The following KATNBL1 variants were observed in gnomAD, a reference collection of about 807,000 sequenced individuals.
KATNBL1 encodes the protein katanin regulatory subunit B1 like 1.
Under a neutral mutation model 44.7 loss-of-function variants are expected in KATNBL1, and 28 were observed. The observed-to-expected ratio is 0.63, with a 90% CI of 0.46 to 0.86. KATNBL1 has a LOEUF of 0.86. KATNBL1 is among the 40% of genes least tolerant of loss of function. The pLI, the probability that KATNBL1 is intolerant of heterozygous loss-of-function variation, is 0.00. For missense variants in KATNBL1, 272 were observed against 350.7 expected (o/e 0.78, Z 1.79); for synonymous variants, 78 against 114.9 (o/e 0.68, Z 2.06).
At chr15:34,178,322 T>C (rs993231575) in intron 1 of KATNBL1, among the ~76,000 whole-genome samples, 2 of 152,210 alleles carry the variant, frequency 1.3e-5, no homozygotes, top group Admixed American at 6.5e-5. Context: ...CTACCATCCT[T>C]CCTTCATCTA....
In KATNBL1 at chr15:34,162,583, G is replaced by A. The variant is rs146693539; in HGVS notation, c.117+977C>T. 2.6e-5 allele frequency among the ~76,000 whole-genome samples: 4 copies of A among 152,278 alleles called. No homozygotes were observed. In the East Asian group the frequency reaches 7.7e-4, roughly 29 times the overall value. On this transcript the variant is annotated intron_variant, in intron 2 of 9. Coordinates refer to ENST00000256544, the MANE Select transcript of KATNBL1 (RefSeq NM_024713.3). ...TTGTAACTTACAGGATGCTTAACAA[G>A]TGAGTTAAATTTTAATCTCTTTTCT...
intron 2 of KATNBL1, among the ~76,000 whole-genome samples, chr15:34,156,816 T>A (rs1293646970): frequency 6.6e-6 from 1 of 152,224 alleles, no homozygotes; most frequent in Non-Finnish European, 1.5e-5. Flanking sequence ...ATTGTACTGA[T>A]TTAGCTGACA....
At chr15:34,168,481 A>G (rs922725997) in intron 1 of KATNBL1, among the ~76,000 whole-genome samples, 3 of 152,136 alleles carry the variant, frequency 2.0e-5, no homozygotes, top group Non-Finnish European at 4.4e-5. Context: ...CTCCCACACA[A>G]TAACAATGGG....
intron 2 of KATNBL1, among the ~76,000 whole-genome samples, chr15:34,157,335 T>C (rs530663790): frequency 6.6e-6 from 1 of 152,132 alleles, no homozygotes; most frequent in Non-Finnish European, 1.5e-5. Flanking sequence ...GATGAGTCCA[T>C]CCCATTTCTG....
At chr15:34,207,080 C>T (rs993068358) in intron 1 of KATNBL1, among the ~76,000 whole-genome samples, 2 of 151,406 alleles carry the variant, frequency 1.3e-5, no homozygotes, top group South Asian at 4.2e-4. Context: ...TGCTTTGTCA[C>T]CCAGGCTGGA....
intron 1 of KATNBL1, among the ~76,000 whole-genome samples, chr15:34,197,624 T>C (rs991747075): frequency 1.3e-5 from 2 of 152,254 alleles, no homozygotes; most frequent in African/African-American, 4.8e-5. Flanking sequence ...TATTTCTAAA[T>C]AGTGGTATTA....
At chr15:34,142,463 T>C (rs527591325) in intron 9 of KATNBL1, 92 bp from the exon 10 acceptor site, 43 of 1,398,840 alleles carry the variant, frequency 3.1e-5, no homozygotes, top group Middle Eastern at 1.9e-4. Context: ...TAATTTGCCT[T>C]AGTTTCCTTT....
At chr15:34,190,146 A>C (rs570249355) in intron 1 of KATNBL1, among the ~76,000 whole-genome samples, 2 of 152,010 alleles carry the variant, frequency 1.3e-5, no homozygotes, top group African/African-American at 4.8e-5. Context: ...GGGTTTCACC[A>C]TGTTAGCCAG....
rs562758966 is a variant in KATNBL1 at position 34,204,995 on chromosome 15, T to G, written c.-15+4956A>C. 2.3e-3 allele frequency among the ~76,000 whole-genome samples: 353 copies of G among 151,954 alleles called. 2 individuals are homozygous for G. The highest frequency in any genetic ancestry group is 9.1e-3 in the South Asian group (44 of 4,820). On this transcript the variant is annotated intron_variant, in intron 1 of 9. Transcript: ENST00000256544. Reference sequence around the variant, plus strand: ...AGGAAGGCAAAGAGGGACAGTTTTTTTTTTTTTTTTTTCCTTTAAGATGGA... The same window carrying G: ...AGGAAGGCAAAGAGGGACAGTTTTTGTTTTTTTTTTTTCCTTTAAGATGGA...
chr15:34,163,444 T>A (rs533141003), intron 2 of KATNBL1, 116 bp downstream of exon 2: 1 of 1,218,472 alleles, frequency 8.2e-7, no homozygotes, highest in African/African-American at 1.6e-5. Flanking sequence ...TCAACTTAAT[T>A]CTGGGAGATT....
At chr15:34,165,699 C>G (rs1888947573) in intron 1 of KATNBL1, among the ~76,000 whole-genome samples, 1 of 152,066 alleles carries the variant, frequency 6.6e-6, no homozygotes, top group Non-Finnish European at 1.5e-5. Flanking sequence ...GGAGGTGAGG[C>G]AGGAGAATCG....
chr15:34,147,196 T>G lies in KATNBL1; in HGVS notation c.698+4A>C, dbSNP rs1390679535. The G allele has an allele frequency of 6.4e-7, 1 of 1,554,006 alleles. No homozygotes were observed. On this transcript the variant is annotated splice_donor_region_variant and intron_variant, in intron 7 of 9. Coordinates refer to ENST00000256544, the MANE Select transcript of KATNBL1 (RefSeq NM_024713.3). ...AATGAATCAAGATTCAGATTAGCAC[T>G]TACTCTTCAAATTTGCTTTTAAGTA...
At position 34,148,726 on chromosome 15, in the gene KATNBL1, C is replaced by A. The variant is rs144230292; in HGVS notation, c.463G>T (p.Ala155Ser). The change falls in exon 5 of 10, where the codon GCC (alanine) becomes TCC (serine). Residue 155 changes from alanine to serine, a missense_variant. Ala to Ser is a moderately conservative substitution (Grantham distance 99). Coordinates refer to ENST00000256544, the MANE Select transcript of KATNBL1 (RefSeq NM_024713.3). Reference sequence around the variant, plus strand: ...ATATTCCTGCTGAACAAAACTTGGGCCATTGTTTCATGGTCCTGAGAAACC... The same window carrying A: ...ATATTCCTGCTGAACAAAACTTGGGACATTGTTTCATGGTCCTGAGAAACC... ...SEVSQDHETMAQVLFSRNMRL... is the reference protein window; with the variant it reads ...SEVSQDHETMSQVLFSRNMRL... 2.7e-5 allele frequency: 43 copies of A among 1,610,808 alleles called. No individual in the cohort carries two copies. In the African/African-American group the frequency reaches 4.7e-4, roughly 18 times the overall value.
chr15:34,152,985 A>G lies in KATNBL1; in HGVS notation c.243T>C (p.Asn81=). The part of the protein sequence containing the change: ...RRKKVHHPFP[N]PCYRKKQSPG... ...GGGACTGTTTTTTTCTGTAACAAGGATTTGGAAAGGGATGATGAACTTTCT... is the reference window on the plus strand; with the variant it reads ...GGGACTGTTTTTTTCTGTAACAAGGGTTTGGAAAGGGATGATGAACTTTCT... The change falls in exon 4 of 10, where the codon AAT becomes AAC. Residue 81 remains asparagine (N), a synonymous_variant. Transcript: ENST00000256544. 1 of 1,613,966 alleles carries G rather than the reference A, an allele frequency of 6.2e-7. No homozygotes were observed. Among genetic ancestry groups the G allele is most frequent in the South Asian group, 1.1e-5 (1 of 91,080 alleles).
chr15:34,145,299 A>G, intron 9 of KATNBL1, 99 bp downstream of exon 9: 2 of 1,359,610 alleles, frequency 1.5e-6, no homozygotes, highest in Non-Finnish European at 1.9e-6. Flanking sequence ...TTAGAACAGT[A>G]CCATATTATT....
intron 1 of KATNBL1, chr15:34,166,052 C>T (rs1222092347): frequency 6.6e-6 from 1 of 152,518 alleles, no homozygotes; most frequent in Admixed American, 6.5e-5. Context: ...GCATTTCCAA[C>T]TGAGGTACCT....
Position 34,153,500 on chromosome 15 carries a change from C to CTA in KATNBL1, c.159-432_159-431insTA, listed in dbSNP as rs1391376090. On this transcript the variant is annotated intron_variant, in intron 3 of 9. Transcript: ENST00000256544. ...AAGAACACGATAGAGCAAGCCTCATCGTTTAATACAGTGGTTCTCAAACGT... is the reference window on the plus strand; with the variant it reads ...AAGAACACGATAGAGCAAGCCTCATCTAGTTTAATACAGTGGTTCTCAAACGT... Among the ~76,000 whole-genome samples the CTA allele has an allele frequency of 3.9e-5, 6 of 152,116 alleles. No homozygotes were observed. In the East Asian group the frequency reaches 1.2e-3, roughly 29 times the overall value.
intron 9 of KATNBL1, 49 bp downstream of exon 9, chr15:34,145,349 A>G: frequency 7.5e-7 from 1 of 1,331,496 alleles, no homozygotes; most frequent in Non-Finnish European, 9.8e-7. Flanking sequence ...AATGTAAAAT[A>G]TTATTTCTAA....
At chr15:34,185,497 A>T (rs1288150016) in intron 1 of KATNBL1, among the ~76,000 whole-genome samples, 1 of 152,252 alleles carries the variant, frequency 6.6e-6, no homozygotes, top group Non-Finnish European at 1.5e-5. Flanking sequence ...TATGCAATGT[A>T]AATTGTAAAT....
Sources: allele counts gnomAD v4.1 joint callset (sites outside exome capture counted in the v4.1 genomes callset), GRCh38; gene constraint gnomAD v4.1.1; transcripts MANE v1.5; gene names NCBI Gene and HGNC (gene_info 2026-07-23, HGNC 2026-07-21).